Variants in PAK6 observed in about 807,000 individuals in gnomAD.
PAK6 encodes serine/threonine-protein kinase PAK 6.
A neutral mutation model predicts 60.8 loss-of-function variants in PAK6; 33 were observed. The observed-to-expected ratio is 0.54, with a 90% CI of 0.41 to 0.73. PAK6 has a LOEUF of 0.73. Ranked by LOEUF, PAK6 falls within the 30% of genes least tolerant of loss-of-function variation. The pLI is 0.00. For missense variants in PAK6, 845 were observed against 904.1 expected, an observed-to-expected ratio of 0.93 and a Z score of 0.84; for synonymous variants, 404 against 378.5, an observed-to-expected ratio of 1.07 and a Z score of -0.78.
chr15:40,274,598 C>G (rs1398874697), intron 10 of PAK6, among the ~76,000 whole-genome samples: 1 of 152,242 alleles, frequency 6.6e-6, no homozygotes, highest in African/African-American at 2.4e-5. Flanking sequence ...CCAGCAATCC[C>G]TGCTGTCCAG....
exon 4 of PAK6, chr15:40,264,966 C>G (rs780868410): frequency 3.1e-6 from 5 of 1,613,484 alleles, no homozygotes; most frequent in Non-Finnish European, 4.2e-6. Context: ...GCGAATCACA[C>G]GGGTGCAGCT....
At chr15:40,276,749 C>CGTGTGAGTGT (rs2039466174) in exon 11 of PAK6, 1 of 134,436 alleles carries the variant, frequency 7.4e-6, no homozygotes, top group South Asian at 2.6e-4. Flanking sequence ...GAGAGAACAT[C>CGTGTGAGTGT]GTGTGTGTGT....
chr15:40,255,997 C>T (rs753340734), intron 3 of PAK6, among the ~76,000 whole-genome samples: 2 of 152,120 alleles, frequency 1.3e-5, no homozygotes, highest in South Asian at 2.1e-4. Context: ...GATTTCCTCT[C>T]GTTTACCATG....
At position 40,266,360 on chromosome 15, in the gene PAK6, AG is replaced by A; in HGVS notation, c.725del (p.Gly242ValfsTer15). On this transcript the variant is annotated frameshift_variant, in exon 5 of 11. Coordinates refer to ENST00000560346, the Ensembl canonical transcript of PAK6. LOFTEE classifies it high-confidence loss of function. ...TGGTGGGCTCAGCCACAGGCAGGCC[AG>A]GTGGGGAAGGCAGCCCTAGCCCTAA... 1 of 1,612,634 alleles carries A rather than the reference AG, an allele frequency of 6.2e-7. No homozygotes were observed.
intron 3 of PAK6, chr15:40,260,508 T>C (rs534632727): frequency 6.6e-6 from 1 of 152,338 alleles, no homozygotes; most frequent in Admixed American, 6.5e-5. Flanking sequence ...ATTTGCCTAT[T>C]GCCTATTTGC....
Position 40,273,481 on chromosome 15 carries a change from C to T in PAK6, c.1617+9C>T. On this transcript the variant is annotated intron_variant, in intron 8 of 10. Transcript: ENST00000560346. ...TGACCCTCGATGGCAGGGTAGGTCC[C>T]ATCCTGTCCCTGGCACAGCCACGCT... The T allele has an allele frequency of 6.2e-7, 1 of 1,613,654 alleles. No individual in the cohort carries two copies. Among genetic ancestry groups the T allele is most frequent in the Non-Finnish European group, 8.5e-7 (1 of 1,179,822 alleles).
At chr15:40,267,575 C>A (rs796787117) in intron 5 of PAK6, among the ~76,000 whole-genome samples, 1 of 152,196 alleles carries the variant, frequency 6.6e-6, no homozygotes, top group Non-Finnish European at 1.5e-5. Flanking sequence ...AGGAGAATGG[C>A]GTGAACCCGG....
At chr15:40,241,554 G>A (rs1444168707) in intron 2 of PAK6, among the ~76,000 whole-genome samples, 3 of 152,146 alleles carry the variant, frequency 2.0e-5, no homozygotes, top group Non-Finnish European at 4.4e-5. Context: ...CTTGGAGGTG[G>A]CACCTGGGAG....
At chr15:40,246,038 T>A (rs1254486050) in intron 2 of PAK6, 1 of 152,342 alleles carries the variant, frequency 6.6e-6, no homozygotes, top group Non-Finnish European at 1.5e-5. Context: ...GTCAAGTGCT[T>A]CCCGAGGATA....
At chr15:40,274,566 A>G (rs1226513154) in intron 10 of PAK6, among the ~76,000 whole-genome samples, 2 of 152,248 alleles carry the variant, frequency 1.3e-5, no homozygotes, top group Non-Finnish European at 2.9e-5. Context: ...AGTGGGGCCC[A>G]TGAGCAGGGA....
chr15:40,250,381 G>A (rs1219897338), intron 2 of PAK6, among the ~76,000 whole-genome samples: 1 of 152,218 alleles, frequency 6.6e-6, no homozygotes, highest in African/African-American at 2.4e-5. Context: ...GCGTTGTGAT[G>A]GACCTGAGGG....
intron 3 of PAK6, 31 bp from the exon 4 acceptor site, chr15:40,264,750 G>GC (rs1566852399): frequency 2.5e-6 from 4 of 1,601,310 alleles, no homozygotes; most frequent in Non-Finnish European, 3.4e-6. Context: ...TCTTTCCCGG[G>GC]AGGGAGCTCA....
chr15:40,264,745 C>T (rs1244844780), intron 3 of PAK6, 36 bp from the exon 4 acceptor site: 5 of 1,594,758 alleles, frequency 3.1e-6, no homozygotes, highest in Non-Finnish European at 2.6e-6. Context: ...ACCCCTCTTT[C>T]CCGGGAGGGA....
chr15:40,263,817 A>G (rs546181352), intron 3 of PAK6: 2 of 436,636 alleles, frequency 4.6e-6, no homozygotes, highest in Admixed American at 4.9e-5. Context: ...GGTTTTCACC[A>G]TGTTGGCCAA....
chr15:40,242,623 T>C (rs1019872654), intron 2 of PAK6, among the ~76,000 whole-genome samples: 1 of 152,120 alleles, frequency 6.6e-6, no homozygotes. Context: ...GAGGGCAGAA[T>C]GAGTTCTGAA....
chr15:40,274,364 C>G, intron 10 of PAK6, 88 bp downstream of exon 10: 3 of 1,369,618 alleles, frequency 2.2e-6, no homozygotes. Context: ...CATCTCCCTT[C>G]CACTGAAGCC....
At chr15:40,259,435 G>A (rs75334015) in intron 3 of PAK6, 2,086 of 152,324 alleles carry the variant, frequency 0.014, 18 homozygotes, top group Non-Finnish European at 0.019. Flanking sequence ...CGTTCAGGTG[G>A]ATGAACGTCT....
At chr15:40,265,139 A>C (rs1373319930) in intron 4 of PAK6, 150 bp downstream of exon 4, 1 of 780,564 alleles carries the variant, frequency 1.3e-6, no homozygotes, top group Non-Finnish European at 2.0e-6. Context: ...TCAGCCTGCC[A>C]TTCTCTCCCT....
At chr15:40,272,150 C>T in intron 5 of PAK6, 74 bp from the exon 6 acceptor site, 1 of 1,522,202 alleles carries the variant, frequency 6.6e-7, no homozygotes. Context: ...TCACGGCGGC[C>T]AGCCCCTGCC....
Sources: allele counts gnomAD v4.1 joint callset (sites outside exome capture counted in the v4.1 genomes callset), GRCh38; gene constraint gnomAD v4.1.1; transcripts MANE v1.5; gene names NCBI Gene and HGNC (gene_info 2026-07-23, HGNC 2026-07-21).